Variants in RB1CC1 observed in about 807,000 individuals in gnomAD.
The protein encoded by RB1CC1 is RB1-inducible coiled-coil protein 1.
Under a neutral mutation model 177.5 loss-of-function variants are expected in RB1CC1, and 46 were observed. That is an observed-to-expected ratio of 0.26 (90% CI 0.20 to 0.33). The LOEUF is 0.33. RB1CC1 is among the 10% of genes least tolerant of loss of function. The pLI, the probability that RB1CC1 is intolerant of heterozygous loss-of-function variation, is 1.00. For missense variants in RB1CC1, 1,703 were observed against 1,816.3 expected (o/e 0.94, Z 1.13); for synonymous variants, 666 against 613.6 (o/e 1.09, Z -1.26).
chr8:52,687,806 A>C (rs748169889), intron 1 of RB1CC1, among the ~76,000 whole-genome samples: 1 of 152,168 alleles, frequency 6.6e-6, no homozygotes, highest in Non-Finnish European at 1.5e-5. Flanking sequence ...GAATCTATAA[A>C]ATAATAGATT....
chr8:52,712,711 T>G (rs1563488072), intron 1 of RB1CC1, among the ~76,000 whole-genome samples: 1 of 152,202 alleles, frequency 6.6e-6, no homozygotes, highest in Non-Finnish European at 1.5e-5. Context: ...AAGCATTATG[T>G]GCCTAAAGCA....
chr8:52,655,141 C>T (rs1241348880), intron 15 of RB1CC1, among the ~76,000 whole-genome samples: 1 of 152,052 alleles, frequency 6.6e-6, no homozygotes, highest in Non-Finnish European at 1.5e-5. Context: ...CCCTCTAATG[C>T]CCCCTCCCCC....
At chr8:52,630,419 AT>A in intron 21 of RB1CC1, 50 bp downstream of exon 21, 1 of 1,513,986 alleles carries the variant, frequency 6.6e-7, no homozygotes, top group African/African-American at 1.4e-5. Context: ...TTCATTAACA[AT>A]TCAGTGAATG....
chr8:52,686,684 A>G (rs976122647), intron 2 of RB1CC1, among the ~76,000 whole-genome samples, 169 bp downstream of exon 2: 18 of 152,230 alleles, frequency 1.2e-4, no homozygotes, highest in African/African-American at 4.3e-4. Flanking sequence ...AACTATAAAT[A>G]AATTCCCAGA....
At chr8:52,701,145 G>A (rs1466055005) in intron 1 of RB1CC1, among the ~76,000 whole-genome samples, 1 of 149,706 alleles carries the variant, frequency 6.7e-6, no homozygotes, top group Non-Finnish European at 1.5e-5. Flanking sequence ...TTTTTGAGAT[G>A]GAATTTTGCT....
At chr8:52,653,512 T>G (rs955023822) in intron 15 of RB1CC1, among the ~76,000 whole-genome samples, 33 of 152,234 alleles carry the variant, frequency 2.2e-4, no homozygotes, top group Middle Eastern at 3.4e-3. Flanking sequence ...ACTCTAGATC[T>G]AGTATTCAGA....
chr8:52,657,967 G>C, intron 14 of RB1CC1, 31 bp downstream of exon 14: 1 of 1,613,340 alleles, frequency 6.2e-7, no homozygotes, highest in Non-Finnish European at 8.5e-7. Flanking sequence ...TTACACTAAT[G>C]AAGAAAACTG....
At chr8:52,644,501 G>C (rs1849840493) in intron 16 of RB1CC1, among the ~76,000 whole-genome samples, 2 of 152,142 alleles carry the variant, frequency 1.3e-5, no homozygotes, top group African/African-American at 2.4e-5. Flanking sequence ...ATGAATCATA[G>C]AGAAGAATCT....
In RB1CC1 at chr8:52,657,019, A is replaced by G. The variant is rs1266427902; in HGVS notation, c.2810T>C (p.Met937Thr). 1 of 1,613,694 alleles carries G rather than the reference A, an allele frequency of 6.2e-7. No homozygotes were observed. Among genetic ancestry groups the G allele is most frequent in the Non-Finnish European group, 8.5e-7 (1 of 1,179,926 alleles). Reference protein sequence around the residue: ...QNEKDQKLLEMENIMHSQNCE... With the variant: ...QNEKDQKLLETENIMHSQNCE... The stretch of plus-strand genomic sequence containing the variant: ...ATTTTGAGAGTGCATTATATTTTCC[A>G]TCTCTAACAACTTCTGATCCTTTTC... Residue 937 changes from methionine to threonine, a missense_variant, in exon 15 of 24, where the codon ATG becomes ACG. Physicochemically the swap from Met to Thr is moderately conservative, Grantham distance 81 (BLOSUM62 -1). Transcript: ENST00000025008.
rs778020813 is a variant in RB1CC1 at position 52,668,121 on chromosome 8, T to C, written c.1073A>G (p.Asn358Ser). 7.4e-6 allele frequency: 12 copies of C among 1,614,138 alleles called. No homozygotes were observed. The South Asian group carries it at 1.3e-4, about 18-fold the overall frequency. ...TTCAAGTCCTTTAATGGCTTTCATA[T>C]TCTGATTATCAAGTTTGGCAATAGT... ...RQTIAKLDNQ[N>S]MKAIKGLEDR... The change falls in exon 8 of 24, where the codon AAT becomes AGT. Residue 358 changes from asparagine to serine, a missense_variant. This residue lies in a region of RB1CC1 where 315 missense variants were observed against 304.9 expected (regional missense o/e 1.03). Transcript: ENST00000025008.
intron 1 of RB1CC1, among the ~76,000 whole-genome samples, chr8:52,708,039 A>C (rs552223459): frequency 6.6e-6 from 1 of 152,318 alleles, no homozygotes; most frequent in South Asian, 2.1e-4. Context: ...AAGCTTTAAA[A>C]ATGGTGGCAA....
chr8:52,648,082 A>C (rs745491045), intron 15 of RB1CC1, among the ~76,000 whole-genome samples: 7 of 152,134 alleles, frequency 4.6e-5, no homozygotes, highest in South Asian at 4.1e-4. Flanking sequence ...CAGGGACAAG[A>C]GGACACAGTT....
intron 22 of RB1CC1, among the ~76,000 whole-genome samples, chr8:52,627,697 C>T (rs1435089358): frequency 1.3e-5 from 2 of 151,998 alleles, no homozygotes; most frequent in Non-Finnish European, 2.9e-5. Flanking sequence ...AAAAATAATG[C>T]TTTTATATAA....
chr8:52,673,778 A>G, intron 7 of RB1CC1, 67 bp downstream of exon 7: 2 of 1,384,948 alleles, frequency 1.4e-6, no homozygotes, highest in Non-Finnish European at 1.9e-6. Context: ...TCAGTACATA[A>G]AATATTTAGG....
At chr8:52,682,261 TG>T (rs1235924818) in intron 5 of RB1CC1, among the ~76,000 whole-genome samples, 4 of 152,182 alleles carry the variant, frequency 2.6e-5, no homozygotes, top group Non-Finnish European at 5.9e-5. Context: ...GCATGGGACC[TG>T]TAACCCCTTT....
intron 22 of RB1CC1, 73 bp downstream of exon 22, chr8:52,627,957 CAG>C: frequency 1.5e-6 from 2 of 1,327,178 alleles, no homozygotes; most frequent in Non-Finnish European, 2.0e-6. Flanking sequence ...TGTAATTAAA[CAG>C]GGAAAAAAAA....
chr8:52,684,125 C>A, intron 3 of RB1CC1, 112 bp from the exon 4 acceptor site: 2 of 1,232,752 alleles, frequency 1.6e-6, no homozygotes, highest in Non-Finnish European at 2.1e-6. Flanking sequence ...CACTCTAAAA[C>A]CTTCCCCAAA....
chr8:52,673,401 A>T (rs910039854), intron 7 of RB1CC1, among the ~76,000 whole-genome samples: 1 of 152,214 alleles, frequency 6.6e-6, no homozygotes, highest in Non-Finnish European at 1.5e-5. Context: ...TACAGTGTCT[A>T]CGTTTCGAAT....
intron 21 of RB1CC1, among the ~76,000 whole-genome samples, chr8:52,628,754 T>C (rs1848559797): frequency 6.9e-6 from 1 of 145,352 alleles, no homozygotes; most frequent in Admixed American, 7.2e-5. Flanking sequence ...GGTGTTTGTC[T>C]CTTTACAGCC....
Sources: allele counts gnomAD v4.1 joint callset (sites outside exome capture counted in the v4.1 genomes callset), GRCh38; gene constraint gnomAD v4.1.1; regional missense constraint gnomAD v4.1.1; transcripts MANE v1.5; gene names NCBI Gene and HGNC (gene_info 2026-07-23, HGNC 2026-07-21).